Variants in CNTNAP4 observed in about 807,000 individuals in gnomAD.
CNTNAP4 encodes the protein contactin associated protein family member 4, also known as contactin-associated protein-like 4.
Under a neutral mutation model 148.4 loss-of-function variants are expected in CNTNAP4, and 98 were observed. The ratio of observed to expected loss-of-function variants is 0.66; its 90% CI spans 0.56 to 0.78. CNTNAP4 has a LOEUF of 0.78. Among genes scored for constraint, CNTNAP4 ranks in the 30% least tolerant of loss-of-function variants. The pLI, the probability that CNTNAP4 is intolerant of heterozygous loss-of-function variation, is 0.00. For synonymous variants in CNTNAP4, 730 were observed against 565.1 expected (o/e 1.29, Z -4.14); for missense variants, 1,935 against 1,565.6 (o/e 1.24, Z -3.98).
intron 2 of CNTNAP4, among the ~76,000 whole-genome samples, chr16:76,325,299 T>C (rs1962857245): frequency 6.6e-6 from 1 of 152,166 alleles, no homozygotes; most frequent in Admixed American, 6.5e-5. Flanking sequence ...GTAATGTATA[T>C]TTATATACTC....
intron 4 of CNTNAP4, among the ~76,000 whole-genome samples, chr16:76,440,600 T>C (rs2079996557): frequency 6.6e-6 from 1 of 152,174 alleles, no homozygotes; most frequent in Non-Finnish European, 1.5e-5. Context: ...TGGAACCTAC[T>C]TGTTCTTCCT....
At chr16:76,490,116 C>T (rs8058881) in intron 13 of CNTNAP4, among the ~76,000 whole-genome samples, 2 of 152,090 alleles carry the variant, frequency 1.3e-5, no homozygotes, top group Non-Finnish European at 2.9e-5. Flanking sequence ...TGCTTTTAAA[C>T]TCTCTTCCTG....
intron 3 of CNTNAP4, among the ~76,000 whole-genome samples, chr16:76,362,847 G>C (rs532743725): frequency 6.6e-5 from 10 of 152,242 alleles, no homozygotes; most frequent in African/African-American, 2.4e-4. Context: ...TAAAACCACT[G>C]TGACATACAA....
chr16:76,316,332 A>G (rs752463358), intron 1 of CNTNAP4, 81 bp from the exon 2 acceptor site: 1 of 846,922 alleles, frequency 1.2e-6, no homozygotes, highest in Admixed American at 2.0e-5. Flanking sequence ...TTGTTGTTTT[A>G]CTTGTTGGTT....
At chr16:76,552,108 G>A (rs927965933) in intron 21 of CNTNAP4, among the ~76,000 whole-genome samples, 6 of 150,410 alleles carry the variant, frequency 4.0e-5, no homozygotes, top group African/African-American at 1.2e-4. Context: ...AAAGGGGAAG[G>A]AGAAGCAAAA....
chr16:76,362,506 C>A (rs1243246992), intron 3 of CNTNAP4, among the ~76,000 whole-genome samples: 1 of 152,134 alleles, frequency 6.6e-6, no homozygotes, highest in Non-Finnish European at 1.5e-5. Flanking sequence ...CATCACACAT[C>A]TGATTTCAAA....
At chr16:76,529,681 C>T (rs1342534617) in intron 17 of CNTNAP4, among the ~76,000 whole-genome samples, 1 of 152,142 alleles carries the variant, frequency 6.6e-6, no homozygotes, top group Non-Finnish European at 1.5e-5. Context: ...GAAGTAAGGA[C>T]CCCTGACATA....
At position 76,448,271 on chromosome 16, in the gene CNTNAP4, C is replaced by A. The variant is rs139920798; in HGVS notation, c.742+56C>A. 1,237 of 1,258,286 alleles carry A rather than the reference C, an allele frequency of 9.8e-4. 10 individuals are homozygous for A. The African/African-American group carries it at 0.016, about 17-fold the overall frequency. 77.9% of individuals were successfully genotyped at this position (1,258,286 alleles called of 1,614,324 possible). A position where few individuals can be genotyped will look rare whatever the true frequency, so the allele number is the denominator to read the frequency against. On this transcript the variant is annotated intron_variant, in intron 5 of 23. Coordinates refer to ENST00000611870, the MANE Select transcript of CNTNAP4 (RefSeq NM_033401.5). ...CTGATTATTTAGATATCACCTAAGT[C>A]ACTTTATGCTTTTATAGCTTATCTT...
intron 2 of CNTNAP4, among the ~76,000 whole-genome samples, chr16:76,344,173 G>A (rs891345087): frequency 6.6e-6 from 1 of 151,824 alleles, no homozygotes; most frequent in Non-Finnish European, 1.5e-5. Flanking sequence ...TGTACACTGG[G>A]AACAGTGAAA....
At chr16:76,397,270 A>G (rs763779713) in intron 3 of CNTNAP4, among the ~76,000 whole-genome samples, 3 of 152,074 alleles carry the variant, frequency 2.0e-5, no homozygotes, top group Admixed American at 6.6e-5. Flanking sequence ...TAGAAGACAA[A>G]AAATGAACAA....
intron 15 of CNTNAP4, among the ~76,000 whole-genome samples, chr16:76,518,923 C>T (rs1350550950): frequency 6.6e-6 from 1 of 152,160 alleles, no homozygotes; most frequent in Non-Finnish European, 1.5e-5. Context: ...TTTTAAACCA[C>T]CTAATCCATA....
At chr16:76,413,989 T>C (rs1319573349) in intron 3 of CNTNAP4, among the ~76,000 whole-genome samples, 1 of 151,306 alleles carries the variant, frequency 6.6e-6, no homozygotes, top group Non-Finnish European at 1.5e-5. Context: ...TTTGCACTCA[T>C]ACACCTATAA....
chr16:76,422,559 C>G (rs142680822), intron 3 of CNTNAP4, among the ~76,000 whole-genome samples: 1 of 152,082 alleles, frequency 6.6e-6, no homozygotes, highest in African/African-American at 2.4e-5. Context: ...TAAATTTCCT[C>G]TAGGGTAAGT....
In CNTNAP4 at chr16:76,489,883, G is replaced by A; in HGVS notation, c.2080G>A (p.Asp694Asn). 6.5e-7 allele frequency: 1 copy of A among 1,539,912 alleles called. No individual in the cohort carries two copies. The highest frequency in any genetic ancestry group is 2.3e-5 in the East Asian group (1 of 42,884). ...GAAGTCACGGCTGGTCAATAAGCAA[G>A]GTAAGTAAACCATGGTGTCTGTCTT... Reference protein sequence around the residue: ...CKKSRLVNKQDGTPLSWWVGR... With the variant: ...CKKSRLVNKQNGTPLSWWVGR... The change falls in exon 13 of 24, where the codon GAT becomes AAT. Residue 694 changes from aspartate to asparagine, a missense_variant and splice_region_variant. Physicochemically the swap from Asp to Asn is conservative, Grantham distance 23 (BLOSUM62 1). Coordinates refer to ENST00000611870, the MANE Select transcript of CNTNAP4 (RefSeq NM_033401.5).
chr16:76,368,957 C>T (rs1317641825), intron 3 of CNTNAP4, among the ~76,000 whole-genome samples: 2 of 151,710 alleles, frequency 1.3e-5, no homozygotes, highest in East Asian at 1.9e-4. Context: ...CTTCCATCAT[C>T]ACAAAAATTC....
chr16:76,375,039 G>A, intron 3 of CNTNAP4, among the ~76,000 whole-genome samples: 1 of 152,098 alleles, frequency 6.6e-6, no homozygotes, highest in Non-Finnish European at 1.5e-5. Context: ...AAAATGCTGG[G>A]ATTACAGGCG....
chr16:76,293,485 T>C (rs1305665640), intron 1 of CNTNAP4, among the ~76,000 whole-genome samples: 1 of 152,220 alleles, frequency 6.6e-6, no homozygotes, highest in East Asian at 1.9e-4. Flanking sequence ...GTTTTCTTCC[T>C]ATCTACCTGT....
At chr16:76,390,696 C>T (rs983097144) in intron 3 of CNTNAP4, among the ~76,000 whole-genome samples, 1 of 152,164 alleles carries the variant, frequency 6.6e-6, no homozygotes, top group Non-Finnish European at 1.5e-5. Context: ...AAGGTTGTCC[C>T]TGCCCTTATT....
chr16:76,409,126 C>A (rs916848676), intron 3 of CNTNAP4, among the ~76,000 whole-genome samples: 3 of 151,916 alleles, frequency 2.0e-5, no homozygotes, highest in Non-Finnish European at 4.4e-5. Flanking sequence ...CTACATGTGG[C>A]ATTAAGATAA....
Sources: allele counts gnomAD v4.1 joint callset (sites outside exome capture counted in the v4.1 genomes callset), GRCh38; gene constraint gnomAD v4.1.1; transcripts MANE v1.5; gene names NCBI Gene and HGNC (gene_info 2026-07-23, HGNC 2026-07-21).